Variants in WWOX observed in about 807,000 individuals in gnomAD.
WWOX encodes the protein WW domain containing oxidoreductase, also known as WW domain-containing oxidoreductase.
WWOX carries 69 observed loss-of-function variants against 46.2 expected under a neutral mutation model. The ratio of observed to expected loss-of-function variants is 1.49; its 90% CI spans 1.23 to 1.82. WWOX has a LOEUF of 1.82. WWOX is among the 40% of genes most tolerant of loss of function. The pLI is 0.00. For missense variants in WWOX, 919 were observed against 542.6 expected (o/e 1.69, Z -6.89); for synonymous variants, 359 against 202.6 (o/e 1.77, Z -6.56).
At chr16:78,877,055 A>G (rs953593036) in intron 8 of WWOX, among the ~76,000 whole-genome samples, 1 of 152,206 alleles carries the variant, frequency 6.6e-6, no homozygotes, top group Non-Finnish European at 1.5e-5. Flanking sequence ...TCTTCTAGAA[A>G]CAAATTCTTT....
chr16:78,986,118 T>A (rs2046779785), intron 8 of WWOX, among the ~76,000 whole-genome samples: 1 of 152,256 alleles, frequency 6.6e-6, no homozygotes, highest in African/African-American at 2.4e-5. Flanking sequence ...GAGACATTTA[T>A]GGAGTCAGGA....
chr16:78,687,623 G>T (rs1047169116), intron 8 of WWOX, among the ~76,000 whole-genome samples: 3 of 152,266 alleles, frequency 2.0e-5, no homozygotes, highest in South Asian at 4.1e-4. Flanking sequence ...AAGAGTAATG[G>T]TTATCTATAG....
intron 8 of WWOX, among the ~76,000 whole-genome samples, chr16:78,981,110 C>A (rs1289182114): frequency 6.6e-6 from 1 of 152,176 alleles, no homozygotes; most frequent in African/African-American, 2.4e-5. Flanking sequence ...GAGTCCCATG[C>A]CTTGGTGTTG....
intron 8 of WWOX, chr16:78,891,198 C>G (rs2044582844): frequency 6.6e-6 from 1 of 152,112 alleles, no homozygotes; most frequent in Non-Finnish European, 1.5e-5. Context: ...TTTTTCACCT[C>G]TTTTGTCTCA....
intron 8 of WWOX, among the ~76,000 whole-genome samples, chr16:79,179,552 C>T (rs2050868435): frequency 1.3e-5 from 2 of 152,210 alleles, no homozygotes; most frequent in South Asian, 4.1e-4. Flanking sequence ...ATGAAGGCAA[C>T]ATTCAGAATG....
At chr16:78,448,264 T>A (rs745475986) in intron 8 of WWOX, among the ~76,000 whole-genome samples, 1 of 152,158 alleles carries the variant, frequency 6.6e-6, no homozygotes, top group Non-Finnish European at 1.5e-5. Flanking sequence ...GGGAGTAAAA[T>A]TCCTCAAGAC....
chr16:78,829,463 C>T (rs906806360), intron 8 of WWOX, among the ~76,000 whole-genome samples: 2 of 152,198 alleles, frequency 1.3e-5, no homozygotes, highest in African/African-American at 4.8e-5. Context: ...AGGTTAGTCT[C>T]ATGTAGAATC....
intron 8 of WWOX, among the ~76,000 whole-genome samples, chr16:78,675,569 A>T (rs1432451004): frequency 1.3e-5 from 2 of 152,186 alleles, no homozygotes; most frequent in Admixed American, 6.5e-5. Flanking sequence ...GGTTTATGTG[A>T]TGGCTCCACA....
At chr16:78,344,946 G>A (rs1204945918) in intron 5 of WWOX, among the ~76,000 whole-genome samples, 2 of 120,618 alleles carry the variant, frequency 1.7e-5, no homozygotes, top group African/African-American at 5.6e-5. Flanking sequence ...GGGAACTCTG[G>A]AAAGTCACTT....
At chr16:79,009,571 G>A (rs146391888) in intron 8 of WWOX, among the ~76,000 whole-genome samples, 29 of 152,134 alleles carry the variant, frequency 1.9e-4, no homozygotes, top group African/African-American at 6.0e-4. Context: ...GGGTTCAAGC[G>A]ATTCTCCTGC....
chr16:78,623,006 G>T (rs974772571), intron 8 of WWOX, among the ~76,000 whole-genome samples: 8 of 152,004 alleles, frequency 5.3e-5, no homozygotes, highest in Non-Finnish European at 1.0e-4. Flanking sequence ...AGAAAATGAG[G>T]ACATTAGTCC....
chr16:78,640,347 T>G (rs1450463570), intron 8 of WWOX, among the ~76,000 whole-genome samples: 1 of 150,524 alleles, frequency 6.6e-6, no homozygotes, highest in African/African-American at 2.5e-5. Context: ...CTTGAAAATT[T>G]GGAGTGCCAC....
rs1199926518 is a variant in WWOX, at chr16:78,186,785, G to A, written c.516+22496G>A. On this transcript the variant is annotated intron_variant, in intron 5 of 8. Coordinates refer to ENST00000566780, the MANE Select transcript of WWOX (RefSeq NM_016373.4). ...GTCTCAAAAGAAAAATAAATAAAAA[G>A]CTTTGTTTTAAAATAAGTTTAGATT... is the stretch of plus-strand genomic sequence containing the variant. Among the ~76,000 whole-genome samples, 5 of 152,092 alleles carry A rather than the reference G, an allele frequency of 3.3e-5. 1 individual carries two copies. Among genetic ancestry groups the A allele is most frequent in the Non-Finnish European group, 4.4e-5 (3 of 68,012 alleles).
chr16:78,955,513 A>T (rs2046147414), intron 8 of WWOX, among the ~76,000 whole-genome samples: 1 of 152,220 alleles, frequency 6.6e-6, no homozygotes, highest in South Asian at 2.1e-4. Context: ...CACCTCGTGT[A>T]AGCACACCAG....
chr16:78,187,421 G>A (rs1480110337), intron 5 of WWOX, among the ~76,000 whole-genome samples: 1 of 152,144 alleles, frequency 6.6e-6, no homozygotes, highest in African/African-American at 2.4e-5. Flanking sequence ...GACCAACATG[G>A]TGAAAACCAG....
intron 8 of WWOX, among the ~76,000 whole-genome samples, chr16:79,006,604 C>T (rs1404443049): frequency 3.3e-5 from 5 of 151,882 alleles, no homozygotes. Context: ...AATGTACCGT[C>T]TTAAAAACCT....
At chr16:78,115,689 G>A (rs2032745884) in intron 4 of WWOX, among the ~76,000 whole-genome samples, 1 of 152,124 alleles carries the variant, frequency 6.6e-6, no homozygotes, top group Non-Finnish European at 1.5e-5. Context: ...GACTATCATG[G>A]GTAGATGGCT....
chr16:78,996,425 G>T, intron 8 of WWOX: 1 of 817,280 alleles, frequency 1.2e-6, no homozygotes, highest in Non-Finnish European at 1.4e-6. Context: ...CTCAAAGTTT[G>T]CAAAGAATGG....
intron 8 of WWOX, among the ~76,000 whole-genome samples, chr16:78,704,308 C>T (rs948617544): frequency 1.3e-5 from 2 of 152,160 alleles, no homozygotes; most frequent in Non-Finnish European, 2.9e-5. Flanking sequence ...TGACTACGTT[C>T]TGGTGAAACT....
Sources: allele counts gnomAD v4.1 joint callset (sites outside exome capture counted in the v4.1 genomes callset), GRCh38; gene constraint gnomAD v4.1.1; transcripts MANE v1.5; gene names NCBI Gene and HGNC (gene_info 2026-07-23, HGNC 2026-07-21).